Variants in TMEM45A observed in about 807,000 individuals in gnomAD.
TMEM45A encodes the protein transmembrane protein 45A.
TMEM45A carries 25 observed loss-of-function variants against 32.0 expected under a neutral mutation model. The ratio of observed to expected loss-of-function variants is 0.78; its 90% CI spans 0.57 to 1.09. The LOEUF is 1.09. TMEM45A is among the 50% of genes least tolerant of loss of function. The pLI, the probability that TMEM45A is intolerant of heterozygous loss-of-function variation, is 0.00. For synonymous variants in TMEM45A, 122 were observed against 114.8 expected (o/e 1.06, Z -0.40); for missense variants, 302 against 325.0 (o/e 0.93, Z 0.54).
chr3:100,557,555 GGTT>G (rs941534080), intron 3 of TMEM45A, among the ~76,000 whole-genome samples: 2 of 65,354 alleles, frequency 3.1e-5, no homozygotes, highest in African/African-American at 1.6e-4. Flanking sequence ...AGCATTTAAT[GGTT>G]TTTTTTTTTT....
chr3:100,519,848 T>C (rs1705401589), intron 1 of TMEM45A, among the ~76,000 whole-genome samples: 1 of 152,064 alleles, frequency 6.6e-6, no homozygotes, highest in Non-Finnish European at 1.5e-5. Context: ...ATAGGAAGAG[T>C]TGATGTTGAA....
intron 1 of TMEM45A, among the ~76,000 whole-genome samples, chr3:100,521,445 G>C (rs1705435782): frequency 6.6e-6 from 1 of 152,096 alleles, no homozygotes; most frequent in Non-Finnish European, 1.5e-5. Flanking sequence ...TAGAGATGGG[G>C]TTTCTCCGTG....
chr3:100,555,965 T>G (rs947963720), intron 2 of TMEM45A, among the ~76,000 whole-genome samples: 4 of 152,194 alleles, frequency 2.6e-5, no homozygotes, highest in Non-Finnish European at 5.9e-5. Context: ...GATCGTCTGC[T>G]GTATCTGTCT....
At chr3:100,524,502 T>C (rs1437472102) in intron 1 of TMEM45A, among the ~76,000 whole-genome samples, 2 of 152,284 alleles carry the variant, frequency 1.3e-5, no homozygotes, top group East Asian at 3.9e-4. Context: ...TAAGTAATAT[T>C]TGTCAGGCAT....
chr3:100,563,890 T>C (rs1478651285), intron 4 of TMEM45A, among the ~76,000 whole-genome samples: 1 of 152,226 alleles, frequency 6.6e-6, no homozygotes, highest in East Asian at 1.9e-4. Flanking sequence ...CTGCAGTTTC[T>C]GAGTATTGTG....
chr3:100,550,395 T>C (rs1345397177), intron 1 of TMEM45A, among the ~76,000 whole-genome samples: 1 of 152,166 alleles, frequency 6.6e-6, no homozygotes, highest in Non-Finnish European at 1.5e-5. Context: ...AGTATGTGGA[T>C]ACAATTTGAG....
intron 4 of TMEM45A, among the ~76,000 whole-genome samples, chr3:100,562,200 CT>C (rs111846712): frequency 0.046 from 6,706 of 145,606 alleles, 514 homozygotes; most frequent in African/African-American, 0.16. Context: ...GCAAGAAAAA[CT>C]TTTTTTTTTT....
At chr3:100,568,575 G>A (rs1224965155) in intron 4 of TMEM45A, among the ~76,000 whole-genome samples, 4 of 152,140 alleles carry the variant, frequency 2.6e-5, no homozygotes, top group Non-Finnish European at 5.9e-5. Flanking sequence ...GACATTCCTA[G>A]CAAGATGACT....
At chr3:100,571,576 G>A (rs1706560535) in intron 5 of TMEM45A, 2 of 151,936 alleles carry the variant, frequency 1.3e-5, no homozygotes, top group South Asian at 4.2e-4. Flanking sequence ...GTTTTTGTAT[G>A]ATAAGCAATA....
chr3:100,534,961 A>T (rs1251952584), intron 1 of TMEM45A, among the ~76,000 whole-genome samples: 1 of 44,744 alleles, frequency 2.2e-5, no homozygotes, highest in Non-Finnish European at 4.4e-5. Context: ...TGCTCAGCTC[A>T]GCTCTGCACT....
intron 1 of TMEM45A, among the ~76,000 whole-genome samples, chr3:100,518,800 G>C (rs1163496111): frequency 6.6e-6 from 1 of 152,216 alleles, no homozygotes; most frequent in Non-Finnish European, 1.5e-5. Flanking sequence ...CCAGGTGAGA[G>C]AAGCAAAGTG....
chr3:100,548,028 T>C (rs1024676850), intron 1 of TMEM45A, among the ~76,000 whole-genome samples: 1 of 152,182 alleles, frequency 6.6e-6, no homozygotes, highest in Non-Finnish European at 1.5e-5. Context: ...TTTAGTTATT[T>C]AAACATTGAG....
At chr3:100,546,303 A>G (rs1323907212) in intron 1 of TMEM45A, among the ~76,000 whole-genome samples, 1 of 152,240 alleles carries the variant, frequency 6.6e-6, no homozygotes, top group African/African-American at 2.4e-5. Flanking sequence ...TAGAACGGTA[A>G]TATAATAAAT....
intron 1 of TMEM45A, among the ~76,000 whole-genome samples, chr3:100,513,311 C>T (rs1323514605): frequency 6.6e-6 from 1 of 152,182 alleles, no homozygotes; most frequent in Non-Finnish European, 1.5e-5. Context: ...GGATGCAAGG[C>T]TGGTTTGATA....
At chr3:100,530,079 A>G (rs948629412) in intron 1 of TMEM45A, among the ~76,000 whole-genome samples, 2 of 152,230 alleles carry the variant, frequency 1.3e-5, no homozygotes, top group Non-Finnish European at 2.9e-5. Flanking sequence ...ATAGAATAGT[A>G]TAACATACTG....
intron 1 of TMEM45A, among the ~76,000 whole-genome samples, chr3:100,518,633 T>G (rs1302307282): frequency 6.6e-6 from 1 of 152,234 alleles, no homozygotes; most frequent in Non-Finnish European, 1.5e-5. Context: ...CCTTATTGAC[T>G]GGCAGGTACA....
chr3:100,493,823 C>T (rs561118575), intron 1 of TMEM45A, among the ~76,000 whole-genome samples: 1 of 152,198 alleles, frequency 6.6e-6, no homozygotes, highest in South Asian at 2.1e-4. Flanking sequence ...CCTCTGCCTC[C>T]CGGGTTCAAG....
In TMEM45A at chr3:100,495,334, A is replaced by C. The variant is rs529438568; in HGVS notation, c.-4+2406A>C. 1.6e-4 allele frequency among the ~76,000 whole-genome samples: 25 copies of C among 152,218 alleles called. No individual in the cohort carries two copies. In the South Asian group the frequency reaches 5.2e-3, roughly 32 times the overall value. On this transcript the variant is annotated intron_variant, in intron 1 of 5. Transcript: ENST00000323523. The stretch of plus-strand genomic sequence containing the variant: ...CAAACAGTTCTGGTTTGGGAATGGG[A>C]GGAAGGGAAGGGATTATAGAGGAGC...
rs559435781 is a variant in TMEM45A at position 100,550,679 on chromosome 3, G to T, written c.-3-4530G>T. Among the ~76,000 whole-genome samples the T allele has an allele frequency of 5.3e-5, 8 of 152,334 alleles. 1 individual carries two copies. The South Asian group carries it at 1.7e-3, about 32-fold the overall frequency. ...TGTGTATAGACCTAGTCTGTGGTTT[G>T]TGTGGCTGTTAACATCTGGGAATTA... is the stretch of plus-strand genomic sequence containing the variant. On this transcript the variant is annotated intron_variant, in intron 1 of 5. Transcript: ENST00000323523.
Sources: gnomAD v4.1 joint callset for allele counts (sites outside exome capture counted in the v4.1 genomes callset) on GRCh38, gnomAD v4.1.1 for gene constraint, MANE v1.5 for transcripts, NCBI Gene and HGNC (gene_info 2026-07-23, HGNC 2026-07-21) for gene names.